The following CEP128 variants were observed in gnomAD, a reference collection of about 807,000 sequenced individuals.
The protein encoded by CEP128 is centrosomal protein 128.
A neutral mutation model predicts 156.7 loss-of-function variants in CEP128; 132 were observed. That is an observed-to-expected ratio of 0.84 (90% confidence interval 0.73 to 0.97). CEP128 has a LOEUF of 0.97. Among genes scored for constraint, CEP128 ranks in the 50% least tolerant of loss-of-function variants. CEP128 has a pLI of 0.00. For missense variants in CEP128, 1,252 were observed against 1,281.9 expected, an observed-to-expected ratio of 0.98 and a Z score of 0.36; for synonymous variants, 469 against 448.9, an observed-to-expected ratio of 1.04 and a Z score of -0.57.
chr14:80,844,901 T>C (rs1323754950), intron 9 of CEP128, among the ~76,000 whole-genome samples: 1 of 152,048 alleles, frequency 6.6e-6, no homozygotes, highest in Non-Finnish European at 1.5e-5. Flanking sequence ...GGTTCCACTA[T>C]GCCCATACCT....
intron 19 of CEP128, among the ~76,000 whole-genome samples, chr14:80,593,233 A>T (rs1892158379): frequency 1.3e-5 from 2 of 152,120 alleles, no homozygotes; most frequent in Admixed American, 6.5e-5. Context: ...TGCAGATGAC[A>T]TGATTGTTTA....
At chr14:80,553,766 T>C (rs1890313221) in intron 21 of CEP128, among the ~76,000 whole-genome samples, 1 of 152,218 alleles carries the variant, frequency 6.6e-6, no homozygotes. Flanking sequence ...AAATATCCTG[T>C]TTTTTATCAA....
At chr14:80,753,148 T>C (rs546440718) in intron 18 of CEP128, among the ~76,000 whole-genome samples, 1 of 152,334 alleles carries the variant, frequency 6.6e-6, no homozygotes, top group South Asian at 2.1e-4. Context: ...AAATGCAGCA[T>C]GCCCAATATA....
At chr14:80,663,085 T>C (rs1475069897) in intron 19 of CEP128, among the ~76,000 whole-genome samples, 3 of 152,188 alleles carry the variant, frequency 2.0e-5, no homozygotes, top group African/African-American at 7.2e-5. Flanking sequence ...ACAACCCCAA[T>C]GTGTAATTAG....
At chr14:80,866,864 G>A (rs910496370) in intron 8 of CEP128, among the ~76,000 whole-genome samples, 1 of 152,114 alleles carries the variant, frequency 6.6e-6, no homozygotes, top group Non-Finnish European at 1.5e-5. Context: ...AGAGAATACA[G>A]TAGTCCCATT....
chr14:80,549,244 G>C (rs1317105558), intron 21 of CEP128, among the ~76,000 whole-genome samples: 1 of 152,218 alleles, frequency 6.6e-6, no homozygotes, highest in East Asian at 1.9e-4. Context: ...CATTAGAGCA[G>C]TGGGAAACTT....
intron 19 of CEP128, among the ~76,000 whole-genome samples, chr14:80,664,964 C>T (rs1566842893): frequency 1.3e-5 from 2 of 152,158 alleles, no homozygotes; most frequent in South Asian, 4.1e-4. Flanking sequence ...AGATCATATC[C>T]TGCCACAACA....
At chr14:80,761,661 G>T (rs533406401) in intron 16 of CEP128, 48 bp from the exon 17 acceptor site, 1 of 1,360,510 alleles carries the variant, frequency 7.4e-7, no homozygotes, top group Non-Finnish European at 1.0e-6. Flanking sequence ...TTAAGTGGAG[G>T]CAAGAAAATA....
chr14:80,665,319 A>C (rs1419096391), intron 19 of CEP128, among the ~76,000 whole-genome samples: 2 of 150,552 alleles, frequency 1.3e-5, no homozygotes, highest in Admixed American at 1.3e-4. Context: ...AAGCAAAACA[A>C]AATCTAATTA....
chr14:80,683,669 T>C (rs1290950053), intron 19 of CEP128, among the ~76,000 whole-genome samples: 1 of 152,078 alleles, frequency 6.6e-6, no homozygotes, highest in East Asian at 1.9e-4. Flanking sequence ...TATACATTCC[T>C]CTCTTCTGCA....
At chr14:80,678,047 A>AT (rs1555390193) in intron 19 of CEP128, among the ~76,000 whole-genome samples, 31 of 68,508 alleles carry the variant, frequency 4.5e-4, no homozygotes, top group East Asian at 2.7e-3. Flanking sequence ...CTATAAAAAA[A>AT]AAATATATAT....
At position 80,552,018 on chromosome 14, in the gene CEP128, T is replaced by TTTG. The variant is rs562350036; in HGVS notation, c.2880+7258_2880+7260dup. Among the ~76,000 whole-genome samples the TTTG allele has an allele frequency of 1.7e-4, 26 of 152,230 alleles. 1 individual carries two copies. Among genetic ancestry groups the TTTG allele is most frequent in the South Asian group, 8.3e-4 (4 of 4,824 alleles). Reference sequence around the variant, plus strand: ...GGGATGGGTGAGAAGTAGTCCTGTTTTTGTTGTTGTTGTTGTTGTTTGTTT... The same window carrying TTTG: ...GGGATGGGTGAGAAGTAGTCCTGTTTTTGTTGTTGTTGTTGTTGTTGTTTGTTT... On this transcript the variant is annotated intron_variant, in intron 21 of 24. Coordinates refer to ENST00000555265, the MANE Select transcript of CEP128 (RefSeq NM_152446.5).
intron 13 of CEP128, among the ~76,000 whole-genome samples, chr14:80,821,600 TACACACACACACACAC>T (rs71103885): frequency 0.35 from 51,416 of 145,402 alleles, 9,590 homozygotes; most frequent in Non-Finnish European, 0.43. Flanking sequence ...CATACACACA[TACACACACACACACAC>T]ACACACACAC....
intron 13 of CEP128, among the ~76,000 whole-genome samples, chr14:80,820,524 T>C (rs1442669555): frequency 6.6e-6 from 1 of 152,230 alleles, no homozygotes; most frequent in African/African-American, 2.4e-5. Context: ...AATCGTGAAA[T>C]CTTTACCAGA....
intron 3 of CEP128, 36 bp downstream of exon 3, chr14:80,916,365 T>C (rs780380313): frequency 1.3e-5 from 20 of 1,563,058 alleles, no homozygotes; most frequent in Non-Finnish European, 1.7e-5. Context: ...CTCAAACTAT[T>C]TAAATTCTAT....
At chr14:80,947,366 A>C (rs1214028796) in intron 2 of CEP128, among the ~76,000 whole-genome samples, 4 of 152,164 alleles carry the variant, frequency 2.6e-5, no homozygotes. Context: ...AGGGGAGTTG[A>C]GAAAGAAAAA....
chr14:80,721,807 G>A (rs1301340854), intron 19 of CEP128, among the ~76,000 whole-genome samples: 3 of 152,038 alleles, frequency 2.0e-5, no homozygotes, highest in Admixed American at 2.0e-4. Context: ...TGATATCTCT[G>A]GTTAAATGAT....
chr14:80,729,831 C>G (rs965155405), intron 19 of CEP128, among the ~76,000 whole-genome samples: 3 of 152,066 alleles, frequency 2.0e-5, no homozygotes, highest in Non-Finnish European at 4.4e-5. Context: ...TAACAAACAC[C>G]ATTATGATAA....
At chr14:80,673,726 T>C (rs907526007) in intron 19 of CEP128, among the ~76,000 whole-genome samples, 3 of 146,244 alleles carry the variant, frequency 2.1e-5, no homozygotes, top group Non-Finnish European at 3.0e-5. Context: ...TTACAACCTA[T>C]AATCCTGGTC....
Sources: gnomAD v4.1 joint callset for allele counts (sites outside exome capture counted in the v4.1 genomes callset) on GRCh38, gnomAD v4.1.1 for gene constraint, MANE v1.5 for transcripts, NCBI Gene and HGNC (gene_info 2026-07-23, HGNC 2026-07-21) for gene names.